CCDC178: variants seen among roughly 807,000 people sequenced by gnomAD.
CCDC178 encodes the protein coiled-coil domain containing 178.
Under a neutral mutation model 117.4 loss-of-function variants are expected in CCDC178, and 126 were observed. The observed-to-expected ratio is 1.07, with a 90% CI of 0.93 to 1.24. CCDC178 has a LOEUF of 1.24. CCDC178 is among the 50% of genes most tolerant of loss of function. The pLI is 0.00. For synonymous variants in CCDC178, 283 were observed against 313.4 expected, an observed-to-expected ratio of 0.90 and a Z score of 1.02; for missense variants, 1,030 against 986.9, an observed-to-expected ratio of 1.04 and a Z score of -0.59.
intron 12 of CCDC178, among the ~76,000 whole-genome samples, chr18:33,289,532 T>C (rs4305156): frequency 0.6 from 91,444 of 151,806 alleles, 30,344 homozygotes; most frequent in Non-Finnish European, 0.73. Flanking sequence ...GAGAATCACT[T>C]GAACCCATGA....
At chr18:33,335,067 T>C (rs1256105399) in intron 9 of CCDC178, among the ~76,000 whole-genome samples, 1 of 152,080 alleles carries the variant, frequency 6.6e-6, no homozygotes. Context: ...TGGTTTTACA[T>C]TATGCTCTTT....
intron 15 of CCDC178, among the ~76,000 whole-genome samples, chr18:33,227,385 T>C (rs567564624): frequency 3.2e-4 from 48 of 151,754 alleles, no homozygotes; most frequent in African/African-American, 1.1e-3. Flanking sequence ...AAATTGTTCA[T>C]AGATTTGCTT....
intron 11 of CCDC178, among the ~76,000 whole-genome samples, chr18:33,294,781 A>G (rs567506800): frequency 6.6e-6 from 1 of 152,114 alleles, no homozygotes; most frequent in South Asian, 2.1e-4. Flanking sequence ...AGTGTTATCT[A>G]TTGCCTCCAG....
At chr18:33,316,400 T>A (rs2062417702) in intron 11 of CCDC178, among the ~76,000 whole-genome samples, 1 of 152,128 alleles carries the variant, frequency 6.6e-6, no homozygotes, top group Non-Finnish European at 1.5e-5. Flanking sequence ...CCCCGGGCCT[T>A]AGCTGCCTCC....
intron 20 of CCDC178, among the ~76,000 whole-genome samples, chr18:33,207,018 T>C (rs1168462011): frequency 6.6e-6 from 1 of 152,196 alleles, no homozygotes; most frequent in African/African-American, 2.4e-5. Context: ...TGTGTAGTAA[T>C]AAAGTCCTTT....
chr18:33,218,324 T>C (rs1372951693), intron 18 of CCDC178, among the ~76,000 whole-genome samples: 2 of 152,322 alleles, frequency 1.3e-5, no homozygotes, highest in Non-Finnish European at 2.9e-5. Flanking sequence ...TAAATTTGTT[T>C]AAGTTCTTTG....
At chr18:32,941,589 A>C in intron 22 of CCDC178, among the ~76,000 whole-genome samples, 1 of 152,170 alleles carries the variant, frequency 6.6e-6, no homozygotes, top group East Asian at 1.9e-4. Context: ...TTAAGTTATA[A>C]AAAAGACTCT....
intron 11 of CCDC178, among the ~76,000 whole-genome samples, chr18:33,293,559 G>A (rs376976407): frequency 2.8e-4 from 43 of 152,128 alleles, no homozygotes; most frequent in African/African-American, 9.9e-4. Context: ...CATCTACTTA[G>A]TAGGCGGAGA....
In CCDC178 at chr18:33,138,453, A is replaced by G. The variant is rs77281290; in HGVS notation, c.2239-45543T>C. 9.2e-3 allele frequency among the ~76,000 whole-genome samples: 1,404 copies of G among 152,238 alleles called. 13 individuals carry two copies. The highest frequency in any genetic ancestry group is 0.02 in the Middle Eastern group (6 of 294). On this transcript the variant is annotated intron_variant, in intron 20 of 22. Coordinates refer to ENST00000383096, the MANE Select transcript of CCDC178 (RefSeq NM_001105528.4). ...GTCTTTTCGTCAGTGCCGCCTCCAT[A>G]CAACAGTAGTAAGACATAGCTCCTG...
At chr18:33,333,443 T>C (rs767744477) in intron 9 of CCDC178, 49 bp from the exon 10 acceptor site, 8 of 833,288 alleles carry the variant, frequency 9.6e-6, no homozygotes, top group Non-Finnish European at 1.5e-5. Flanking sequence ...GGAGGAAATA[T>C]TTGATAATAC....
intron 20 of CCDC178, among the ~76,000 whole-genome samples, chr18:33,140,914 T>A (rs1159108683): frequency 6.6e-6 from 1 of 152,280 alleles, no homozygotes; most frequent in South Asian, 2.1e-4. Flanking sequence ...AGGAACCCCA[T>A]AGGAGGTGAT....
In CCDC178 at chr18:33,322,351, T is replaced by C. The variant is rs760206138; in HGVS notation, c.1022+1140A>G. Among the ~76,000 whole-genome samples the C allele has an allele frequency of 3.5e-4, 53 of 151,936 alleles. 1 individual carries two copies. The highest frequency in any genetic ancestry group is 3.2e-3 in the Middle Eastern group (1 of 316). On this transcript the variant is annotated intron_variant, in intron 11 of 22. Transcript: ENST00000383096. ...AATGAACACCTGGATAATGTTAATG[T>C]TGTGGTATAAAGATTAACCTCCATG...
chr18:32,942,391 A>T (rs2054258395), intron 22 of CCDC178, among the ~76,000 whole-genome samples: 1 of 152,150 alleles, frequency 6.6e-6, no homozygotes, highest in Admixed American at 6.5e-5. Context: ...ATCACTGTAA[A>T]TCTTCTTTTA....
At chr18:33,363,502 T>TA (rs528006134) in intron 6 of CCDC178, among the ~76,000 whole-genome samples, 3 of 151,946 alleles carry the variant, frequency 2.0e-5, no homozygotes, top group Non-Finnish European at 2.9e-5. Context: ...TGGGTTCTAA[T>TA]AAAAAAACAT....
intron 21 of CCDC178, among the ~76,000 whole-genome samples, chr18:33,025,065 A>C (rs1016373321): frequency 7.9e-5 from 12 of 152,324 alleles, no homozygotes; most frequent in African/African-American, 2.9e-4. Context: ...ATATAAAAAT[A>C]TTTAACTAGA....
At chr18:33,027,832 A>G (rs1247949148) in intron 21 of CCDC178, among the ~76,000 whole-genome samples, 1 of 151,728 alleles carries the variant, frequency 6.6e-6, no homozygotes, top group Admixed American at 6.6e-5. Flanking sequence ...TAGTATCACA[A>G]AGATAACTAC....
intron 12 of CCDC178, among the ~76,000 whole-genome samples, chr18:33,279,255 AG>A (rs1442208745): frequency 1.3e-5 from 2 of 152,200 alleles, no homozygotes; most frequent in African/African-American, 4.8e-5. Context: ...ACTTAAGCAA[AG>A]TCTCAGGATA....
intron 20 of CCDC178, among the ~76,000 whole-genome samples, chr18:33,135,292 C>G (rs543618383): frequency 6.6e-6 from 1 of 151,844 alleles, no homozygotes; most frequent in Admixed American, 6.6e-5. Flanking sequence ...ATATAATGGT[C>G]AAAGTTTTGG....
At chr18:32,995,708 C>T (rs911385731) in intron 21 of CCDC178, among the ~76,000 whole-genome samples, 6 of 151,964 alleles carry the variant, frequency 3.9e-5, no homozygotes, top group Admixed American at 2.0e-4. Flanking sequence ...ATTAGACTTG[C>T]GCCATTCTAC....
Sources: gnomAD v4.1 joint callset for allele counts (sites outside exome capture counted in the v4.1 genomes callset) on GRCh38, gnomAD v4.1.1 for gene constraint, MANE v1.5 for transcripts, NCBI Gene and HGNC (gene_info 2026-07-23, HGNC 2026-07-21) for gene names.